The following STRBP variants were observed in gnomAD, a reference collection of about 807,000 sequenced individuals.
STRBP encodes spermatid perinuclear RNA binding protein.
Under a neutral mutation model 80.1 loss-of-function variants are expected in STRBP, and 13 were observed. The observed-to-expected ratio is 0.16, with a 90% CI of 0.11 to 0.26. The LOEUF (loss-of-function observed/expected upper bound fraction) is 0.26, where lower values mean the gene tolerates loss of function less well. Among genes scored for constraint, STRBP ranks in the 10% least tolerant of loss-of-function variants. The pLI is 1.00. For synonymous variants in STRBP, 284 were observed against 291.2 expected (o/e 0.98, Z 0.25); for missense variants, 485 against 815.2 (o/e 0.59, Z 4.93).
intron 3 of STRBP, 84 bp downstream of exon 3, chr9:123,184,048 A>G: frequency 7.2e-7 from 1 of 1,386,592 alleles, no homozygotes. Flanking sequence ...ACTGTTTTTC[A>G]TTTGCCCTCA....
intron 2 of STRBP, among the ~76,000 whole-genome samples, chr9:123,196,532 T>C (rs142015907): frequency 1.5e-4 from 22 of 151,196 alleles, no homozygotes; most frequent in Non-Finnish European, 2.5e-4. Context: ...AACAACTCAA[T>C]AGGAAAAAAA....
intron 2 of STRBP, among the ~76,000 whole-genome samples, chr9:123,226,913 A>C (rs2132568482): frequency 6.6e-6 from 1 of 152,332 alleles, no homozygotes; most frequent in Middle Eastern, 3.4e-3. Flanking sequence ...TCCAAGACTA[A>C]GGGGCCACAT....
At chr9:123,189,843 AT>A (rs1445164722) in intron 2 of STRBP, among the ~76,000 whole-genome samples, 1 of 152,248 alleles carries the variant, frequency 6.6e-6, no homozygotes, top group Non-Finnish European at 1.5e-5. Flanking sequence ...AACTTAAAGT[AT>A]AATAAAAATA....
intron 1 of STRBP, among the ~76,000 whole-genome samples, chr9:123,266,289 T>C (rs1331927179): frequency 6.6e-6 from 1 of 152,068 alleles, no homozygotes; most frequent in Non-Finnish European, 1.5e-5. Flanking sequence ...AGCTCTCCCT[T>C]ACCCCTTCCC....
chr9:123,256,071 T>A (rs1472844283), intron 1 of STRBP, among the ~76,000 whole-genome samples: 1 of 134,446 alleles, frequency 7.4e-6, no homozygotes, highest in Admixed American at 8.7e-5. Context: ...TTGCCTAGAG[T>A]GGAGTGCAGT....
chr9:123,200,119 T>C (rs1564291750), intron 2 of STRBP, among the ~76,000 whole-genome samples: 2 of 152,234 alleles, frequency 1.3e-5, no homozygotes, highest in Non-Finnish European at 2.9e-5. Flanking sequence ...TTTTTCTGCA[T>C]CTATTGAGAT....
rs190082745 is a variant in STRBP, at chr9:123,135,591, C to T, written c.1773+450G>A. Among the ~76,000 whole-genome samples the T allele has an allele frequency of 1.1e-3, 168 of 152,202 alleles. 1 individual carries two copies. The highest frequency in any genetic ancestry group is 1.6e-3 in the Non-Finnish European group (109 of 68,018). On this transcript the variant is annotated intron_variant, in intron 16 of 18. Coordinates refer to ENST00000348403, the MANE Select transcript of STRBP (RefSeq NM_018387.5). ...ACACAATACAGCGCCAAATTTTATG[C>T]GGTCGGCAAAGGAAACCCAAAATAA...
chr9:123,223,344 T>C (rs2488464), intron 2 of STRBP, among the ~76,000 whole-genome samples: 3,138 of 152,284 alleles, frequency 0.021, 111 homozygotes, highest in African/African-American at 0.072. Flanking sequence ...ATGAACATTA[T>C]GCAAATTATA....
rs2036496379 is a variant in STRBP at position 123,139,433 on chromosome 9, A to G, written c.1497+96T>C. On this transcript the variant is annotated intron_variant, in intron 14 of 18. Transcript: ENST00000348403. Reference sequence around the variant, plus strand: ...CTCTGTAATTTATGTACAGGTTTGCATATGCTTTTGATTTTATTTATACTT... The same window carrying G: ...CTCTGTAATTTATGTACAGGTTTGCGTATGCTTTTGATTTTATTTATACTT... 17 of 1,012,250 alleles carry G rather than the reference A, an allele frequency of 1.7e-5. 1 individual carries two copies. The South Asian group carries it at 2.9e-4, about 17-fold the overall frequency. 62.7% of individuals were successfully genotyped at this position (1,012,250 alleles called of 1,614,324 possible).
At chr9:123,234,289 TAGGCTA>T (rs1278122907) in intron 2 of STRBP, among the ~76,000 whole-genome samples, 2 of 150,056 alleles carry the variant, frequency 1.3e-5, no homozygotes, top group Admixed American at 1.3e-4. Context: ...TAAAATTAGA[TAGGCTA>T]ATTCAAACCA....
At chr9:123,160,520 C>T in intron 7 of STRBP, 58 bp from the exon 8 acceptor site, 1 of 1,300,746 alleles carries the variant, frequency 7.7e-7, no homozygotes, top group Non-Finnish European at 1.0e-6. Context: ...TCATTTTGGG[C>T]AAGTTCTTTC....
chr9:123,175,370 G>A (rs1240390650), intron 4 of STRBP, among the ~76,000 whole-genome samples: 1 of 152,174 alleles, frequency 6.6e-6, no homozygotes, highest in Non-Finnish European at 1.5e-5. Flanking sequence ...AGAATCAGCA[G>A]AGTTGGGCAA....
In STRBP at chr9:123,154,871, A is replaced by G. The variant is rs186832763; in HGVS notation, c.1045+3141T>C. Among the ~76,000 whole-genome samples, 6 of 152,256 alleles carry G rather than the reference A, an allele frequency of 3.9e-5. No homozygotes were observed. In the East Asian group the frequency reaches 1.2e-3, roughly 29 times the overall value. ...TGCTTATAAAGAGGAGAGAAATGCA[A>G]CTCTGTTGCAGGACCTACAGAATCA... On this transcript the variant is annotated intron_variant, in intron 11 of 18. Transcript: ENST00000348403.
intron 2 of STRBP, among the ~76,000 whole-genome samples, chr9:123,203,586 T>C (rs943850326): frequency 1.3e-5 from 2 of 152,108 alleles, no homozygotes; most frequent in African/African-American, 4.8e-5. Context: ...ACTTGCTAGT[T>C]TGCCCCCAAT....
Position 123,141,994 on chromosome 9 carries a change from T to G in STRBP, c.1339-2307A>C, listed in dbSNP as rs2036609432. ...AGGCCCCATCCTTTGGCCTTGTCCT[T>G]AAGAGCCATGTTGTAGCAAGAATCC... On this transcript the variant is annotated intron_variant, in intron 13 of 18. Transcript: ENST00000348403. Among the ~76,000 whole-genome samples the G allele has an allele frequency of 2.6e-5, 4 of 152,296 alleles. No individual in the cohort carries two copies. The South Asian group carries it at 8.3e-4, about 32-fold the overall frequency.
At chr9:123,219,771 G>A (rs1359378898) in intron 2 of STRBP, among the ~76,000 whole-genome samples, 6 of 152,138 alleles carry the variant, frequency 3.9e-5, no homozygotes, top group Non-Finnish European at 4.4e-5. Context: ...ATTCTCATCT[G>A]TACTAACAAC....
chr9:123,191,968 TC>T, intron 2 of STRBP, among the ~76,000 whole-genome samples: 2 of 152,348 alleles, frequency 1.3e-5, no homozygotes, highest in South Asian at 4.1e-4. Flanking sequence ...GGTTTAGTGA[TC>T]ATATTCTGGA....
At chr9:123,215,191 C>A (rs2039854938) in intron 2 of STRBP, among the ~76,000 whole-genome samples, 1 of 152,046 alleles carries the variant, frequency 6.6e-6, no homozygotes, top group South Asian at 2.1e-4. Flanking sequence ...CTCAGCCTCC[C>A]AAGTAGCTAA....
chr9:123,241,287 A>G (rs1192968735), intron 1 of STRBP, among the ~76,000 whole-genome samples: 1 of 152,124 alleles, frequency 6.6e-6, no homozygotes, highest in Non-Finnish European at 1.5e-5. Context: ...GAATCCCTAG[A>G]GTCTAGAAGT....
Sources: allele counts gnomAD v4.1 joint callset (sites outside exome capture counted in the v4.1 genomes callset), GRCh38; gene constraint gnomAD v4.1.1; transcripts MANE v1.5; gene names NCBI Gene and HGNC (gene_info 2026-07-23, HGNC 2026-07-21).